Variants in SLC1A2 observed in about 807,000 individuals in gnomAD.
The protein encoded by SLC1A2 is solute carrier family 1 member 2.
A neutral mutation model predicts 48.8 loss-of-function variants in SLC1A2; 15 were observed. That is an observed-to-expected ratio of 0.31 (90% CI 0.21 to 0.47). The LOEUF (loss-of-function observed/expected upper bound fraction) is 0.47. Among genes scored for constraint, SLC1A2 ranks in the 20% least tolerant of loss-of-function variants. The probability of loss-of-function intolerance (pLI) is 0.99; values close to 1 mark genes in which losing one functional copy is unlikely to be tolerated. For synonymous variants in SLC1A2, 279 were observed against 272.6 expected, an observed-to-expected ratio of 1.02 and a Z score of -0.23; for missense variants, 502 against 730.5, an observed-to-expected ratio of 0.69 and a Z score of 3.61.
rs79684825 is a variant in SLC1A2 at position 35,257,621 on chromosome 11, T to C, written c.*3273A>G. 5.9e-5 allele frequency: 9 copies of C among 152,344 alleles called. No homozygotes were observed. In the East Asian group the frequency reaches 1.7e-3, roughly 29 times the overall value. The allele number at this position is 152,344 out of a possible 1,614,324, so 9.4% of individuals were successfully genotyped here. On this transcript the variant is annotated 3_prime_UTR_variant, in exon 11 of 11. Transcript: ENST00000278379. ...TAAAGTATTACCTTGAAAGATAAGC[T>C]ATTCTTCTCACTGATTGGATTGGAT...
chr11:35,368,158 C>T (rs1853923885), intron 1 of SLC1A2, among the ~76,000 whole-genome samples: 1 of 152,156 alleles, frequency 6.6e-6, no homozygotes, highest in African/African-American at 2.4e-5. Flanking sequence ...AATGCACCCC[C>T]AATCATCTCA....
intron 1 of SLC1A2, among the ~76,000 whole-genome samples, chr11:35,369,669 G>A (rs1478082093): frequency 6.6e-6 from 1 of 152,180 alleles, no homozygotes; most frequent in African/African-American, 2.4e-5. Flanking sequence ...TCTACTTCAA[G>A]ATTCAATACA....
chr11:35,337,128 T>G (rs944391498), intron 1 of SLC1A2, among the ~76,000 whole-genome samples: 2 of 152,064 alleles, frequency 1.3e-5, no homozygotes, highest in African/African-American at 4.8e-5. Context: ...TTAACCAAAA[T>G]CCAGGGAGGG....
chr11:35,364,723 C>T (rs1853786084), intron 1 of SLC1A2, among the ~76,000 whole-genome samples: 1 of 152,168 alleles, frequency 6.6e-6, no homozygotes, highest in Non-Finnish European at 1.5e-5. Flanking sequence ...ATACACACCC[C>T]CATGATGGTG....
chr11:35,261,021 CTG>C, intron 10 of SLC1A2, 56 bp from the exon 11 acceptor site: 1 of 1,328,376 alleles, frequency 7.5e-7, no homozygotes, highest in Non-Finnish European at 1.1e-6. Context: ...GAAAAAAGCC[CTG>C]TGGGTTATGT....
chr11:35,308,237 G>C (rs1296889533), intron 4 of SLC1A2, among the ~76,000 whole-genome samples: 2 of 152,188 alleles, frequency 1.3e-5, no homozygotes, highest in Non-Finnish European at 2.9e-5. Context: ...AGGGCAGCTT[G>C]CTAGTTAGTT....
chr11:35,392,707 G>A (rs1854820815), intron 1 of SLC1A2, among the ~76,000 whole-genome samples: 1 of 152,154 alleles, frequency 6.6e-6, no homozygotes, highest in African/African-American at 2.4e-5. Flanking sequence ...TGGAGGGAAT[G>A]CCCCGAGTCC....
intron 1 of SLC1A2, among the ~76,000 whole-genome samples, chr11:35,396,878 C>T (rs1177610923): frequency 1.3e-5 from 2 of 151,664 alleles, no homozygotes; most frequent in African/African-American, 4.8e-5. Context: ...TTCTTATACA[C>T]CAACAACACA....
At chr11:35,280,564 C>T (rs1486471458) in intron 9 of SLC1A2, 4 of 326,892 alleles carry the variant, frequency 1.2e-5, no homozygotes, top group Non-Finnish European at 1.1e-5. Flanking sequence ...TGGCTCTATT[C>T]ATTCAATATA....
intron 1 of SLC1A2, among the ~76,000 whole-genome samples, chr11:35,342,338 C>A (rs11033081): frequency 2.6e-5 from 4 of 152,178 alleles, no homozygotes; most frequent in Non-Finnish European, 5.9e-5. Context: ...GGAAGTTATC[C>A]AGGATGTACT....
chr11:35,379,482 T>G (rs933779583), intron 1 of SLC1A2, among the ~76,000 whole-genome samples: 1 of 152,228 alleles, frequency 6.6e-6, no homozygotes, highest in Non-Finnish European at 1.5e-5. Context: ...ACATGGCACC[T>G]GTGCCTCGGA....
intron 1 of SLC1A2, among the ~76,000 whole-genome samples, chr11:35,392,998 C>T (rs1315507508): frequency 6.6e-6 from 1 of 152,162 alleles, no homozygotes; most frequent in African/African-American, 2.4e-5. Flanking sequence ...ATCGTTACAA[C>T]CGTCCAAGAT....
At chr11:35,349,108 G>A (rs1853147753) in intron 1 of SLC1A2, among the ~76,000 whole-genome samples, 2 of 152,098 alleles carry the variant, frequency 1.3e-5, no homozygotes, top group African/African-American at 2.4e-5. Flanking sequence ...TGGACATAGA[G>A]GGAGGTGAAT....
chr11:35,272,306 T>C, intron 9 of SLC1A2, among the ~76,000 whole-genome samples: 1 of 152,192 alleles, frequency 6.6e-6, no homozygotes, highest in Non-Finnish European at 1.5e-5. Context: ...AAAATAGGTT[T>C]CTAAGTGAGA....
intron 10 of SLC1A2, chr11:35,261,582 A>G (rs566960669): frequency 2.5e-5 from 10 of 398,004 alleles, no homozygotes; most frequent in African/African-American, 2.1e-4. Flanking sequence ...GACCATCTAT[A>G]TTATGCTTCC....
intron 1 of SLC1A2, among the ~76,000 whole-genome samples, chr11:35,385,055 GACA>G (rs1323837605): frequency 6.6e-6 from 1 of 152,190 alleles, no homozygotes; most frequent in Non-Finnish European, 1.5e-5. Flanking sequence ...TGCATATGCT[GACA>G]ACATCATACT....
chr11:35,263,424 C>A (rs1020566949), intron 10 of SLC1A2, among the ~76,000 whole-genome samples: 2 of 152,012 alleles, frequency 1.3e-5, no homozygotes, highest in Non-Finnish European at 2.9e-5. Flanking sequence ...GCCGAGAGCA[C>A]GCCATTGCAC....
intron 1 of SLC1A2, among the ~76,000 whole-genome samples, chr11:35,411,561 T>C (rs1431806550): frequency 6.6e-6 from 1 of 152,174 alleles, no homozygotes; most frequent in Non-Finnish European, 1.5e-5. Context: ...GCTCAAGAGA[T>C]CCTCTCGCCT....
intron 1 of SLC1A2, among the ~76,000 whole-genome samples, chr11:35,389,553 C>T (rs566917230): frequency 1.3e-5 from 2 of 152,182 alleles, no homozygotes; most frequent in African/African-American, 4.8e-5. Context: ...TCACTGCAAC[C>T]TCTGCCTCCC....
Sources: allele counts gnomAD v4.1 joint callset (sites outside exome capture counted in the v4.1 genomes callset), GRCh38; gene constraint gnomAD v4.1.1; transcripts MANE v1.5; gene names NCBI Gene and HGNC (gene_info 2026-07-23, HGNC 2026-07-21).